COPG2: variants seen among roughly 807,000 people sequenced by gnomAD.
COPG2 encodes the protein coatomer subunit gamma-2.
Under a neutral mutation model 46.3 loss-of-function variants are expected in COPG2, and 37 were observed. The ratio of observed to expected loss-of-function variants is 0.80; its 90% CI spans 0.61 to 1.05. The LOEUF (loss-of-function observed/expected upper bound fraction) is 1.05. COPG2 is among the 50% of genes least tolerant of loss of function. The pLI is 0.00. For synonymous variants in COPG2, 159 were observed against 129.7 expected, an observed-to-expected ratio of 1.23 and a Z score of -1.53; for missense variants, 427 against 387.8, an observed-to-expected ratio of 1.10 and a Z score of -0.85.
At chr7:130,578,924 G>T (rs1210704215) in intron 9 of COPG2, among the ~76,000 whole-genome samples, 6 of 149,288 alleles carry the variant, frequency 4.0e-5, no homozygotes, top group Non-Finnish European at 8.9e-5. Context: ...AAAACACTCT[G>T]CAGGATATTA....
chr7:130,629,210 A>G (rs563596939), intron 5 of COPG2, among the ~76,000 whole-genome samples: 13 of 151,534 alleles, frequency 8.6e-5, no homozygotes, highest in Non-Finnish European at 1.5e-4. Flanking sequence ...AAAATTTTCT[A>G]TTTAAATTTT....
At chr7:130,586,313 G>C (rs548795757) in intron 9 of COPG2, among the ~76,000 whole-genome samples, 15 of 152,122 alleles carry the variant, frequency 9.9e-5, no homozygotes, top group East Asian at 9.6e-4. Flanking sequence ...TTGGGACTTG[G>C]GGGGAGAGTG....
rs976781615 is a variant in COPG2 at position 130,547,430 on chromosome 7, C to T, written c.2149+244G>A. 8.3e-3 allele frequency: 3,024 copies of T among 363,506 alleles called. 83 individuals carry two copies. The highest frequency in any genetic ancestry group is 0.058 in the African/African-American group (2,773 of 48,034). 22.5% of individuals were successfully genotyped at this position (363,506 alleles called of 1,614,324 possible). On this transcript the variant is annotated intron_variant, in intron 20 of 23. Coordinates refer to ENST00000425248, the MANE Select transcript of COPG2 (RefSeq NM_012133.6). ...TGCTACTGCTATACACACTCAGTTT[C>T]TCTTTTAAGATTAAGTGTTCAGCAA...
At chr7:130,551,126 T>C in intron 16 of COPG2, 115 bp downstream of exon 16, 1 of 393,640 alleles carries the variant, frequency 2.5e-6, no homozygotes, top group Non-Finnish European at 4.5e-6. Flanking sequence ...GGAAGTGCAC[T>C]CAAAGACAAA....
rs966895003 is a variant in COPG2 at position 130,530,415 on chromosome 7, G to A, written c.2149+17259C>T. 3.8e-3 allele frequency among the ~76,000 whole-genome samples: 573 copies of A among 152,298 alleles called. 2 individuals are homozygous for A. Among genetic ancestry groups the A allele is most frequent in the African/African-American group, 0.013 (548 of 41,564 alleles). On this transcript the variant is annotated intron_variant, in intron 20 of 23. Coordinates refer to ENST00000425248, the MANE Select transcript of COPG2 (RefSeq NM_012133.6). ...GGAGAAAAGGCTTGAGTGGAAGAAG[G>A]GAAGGAAAAGGCAGCCTAAGGGAAG...
chr7:130,528,612 T>C (rs951021078), intron 20 of COPG2, among the ~76,000 whole-genome samples: 6 of 150,998 alleles, frequency 4.0e-5, no homozygotes, highest in African/African-American at 1.2e-4. Context: ...TGCTATGCAG[T>C]AGAGGAGGAA....
rs782359718 is a variant in COPG2, at chr7:130,668,637, T to C, written c.32A>G (p.Glu11Gly). The change falls in exon 1 of 24, where the codon GAG (glutamate) becomes GGG (glycine). Residue 11 changes from glutamate to glycine, a missense_variant. Physicochemically the swap from Glu to Gly is moderately conservative, Grantham distance 98. Transcript: ENST00000425248. ...CTCGGAAGCCCCGCGCGTACCAGAC[T>C]CCTCGTCCTTCTTGTCGAATTTTTT... is the stretch of plus-strand genomic sequence containing the variant. MIKKFDKKDE[E>G]SGSGSNPFQH... The C allele has an allele frequency of 6.5e-6, 10 of 1,539,928 alleles. No individual in the cohort carries two copies. Among genetic ancestry groups the C allele is most frequent in the Admixed American group, 1.9e-5 (1 of 51,316 alleles).
chr7:130,510,182 C>T (rs1799573688), intron 20 of COPG2: 1 of 519,994 alleles, frequency 1.9e-6, no homozygotes, highest in African/African-American at 1.9e-5. Context: ...AAGAATGGGT[C>T]TGAATTCAGA....
At chr7:130,623,487 G>C (rs1795070343) in intron 5 of COPG2, among the ~76,000 whole-genome samples, 1 of 152,170 alleles carries the variant, frequency 6.6e-6, no homozygotes, top group Admixed American at 6.5e-5. Flanking sequence ...CTGACTAGTA[G>C]AGCTAGCTTC....
chr7:130,534,368 G>A (rs1799859028), intron 20 of COPG2, among the ~76,000 whole-genome samples: 1 of 152,228 alleles, frequency 6.6e-6, no homozygotes, highest in East Asian at 1.9e-4. Flanking sequence ...GGCAGAGGAG[G>A]GACTGCTAAG....
rs1249011915 is a variant in COPG2 at position 130,657,911 on chromosome 7, T to C, written c.244-4963A>G. ...CGACAATACAAAGTGCTGGCCAGAA[T>C]GCAGAGCAAACTGCTGCTCTCATAC... On this transcript the variant is annotated intron_variant, in intron 4 of 23. Coordinates refer to ENST00000425248, the MANE Select transcript of COPG2 (RefSeq NM_012133.6). Among the ~76,000 whole-genome samples, 3 of 152,160 alleles carry C rather than the reference T, an allele frequency of 2.0e-5. No individual in the cohort carries two copies. In the East Asian group the frequency reaches 5.8e-4, roughly 29 times the overall value.
chr7:130,562,014 A>G (rs1284981371), intron 11 of COPG2, among the ~76,000 whole-genome samples: 18 of 152,190 alleles, frequency 1.2e-4, no homozygotes, highest in African/African-American at 3.9e-4. Context: ...TCTGAGACAC[A>G]TCTGGCCCCA....
intron 5 of COPG2, among the ~76,000 whole-genome samples, chr7:130,619,322 T>C (rs558662812): frequency 2.5e-4 from 38 of 152,336 alleles, no homozygotes; most frequent in South Asian, 4.1e-4. Context: ...GGCTATCTTA[T>C]TGGACAATAC....
chr7:130,579,440 C>T (rs1342362437), intron 9 of COPG2, among the ~76,000 whole-genome samples: 3 of 150,578 alleles, frequency 2.0e-5, no homozygotes, highest in Non-Finnish European at 4.5e-5. Context: ...ACTGCATCAA[C>T]TAACAAGCAA....
chr7:130,599,427 C>T (rs782140952), intron 9 of COPG2, among the ~76,000 whole-genome samples: 4 of 152,164 alleles, frequency 2.6e-5, no homozygotes, highest in Admixed American at 6.5e-5. Flanking sequence ...CAAGAACACC[C>T]GCATTGGGTA....
chr7:130,532,063 C>T (rs904305719), intron 20 of COPG2, among the ~76,000 whole-genome samples: 3 of 152,204 alleles, frequency 2.0e-5, no homozygotes, highest in East Asian at 1.9e-4. Flanking sequence ...CTGGTGGACA[C>T]GGGAGGATGG....
chr7:130,538,165 C>T (rs1343262879), intron 20 of COPG2, among the ~76,000 whole-genome samples: 3 of 151,968 alleles, frequency 2.0e-5, no homozygotes, highest in Non-Finnish European at 4.4e-5. Flanking sequence ...ACAGGGCACG[C>T]AGGACTGGAT....
At chr7:130,544,421 AAAT>A (rs1472439598) in intron 20 of COPG2, among the ~76,000 whole-genome samples, 1 of 152,202 alleles carries the variant, frequency 6.6e-6, no homozygotes, top group African/African-American at 2.4e-5. Flanking sequence ...AAATCAGAGA[AAAT>A]AAACTCACAT....
chr7:130,650,353 C>CT, intron 5 of COPG2, among the ~76,000 whole-genome samples: 1 of 152,196 alleles, frequency 6.6e-6, no homozygotes, highest in Middle Eastern at 3.2e-3. Flanking sequence ...ACCACAACTA[C>CT]TAATCACTTA....
Sources: gnomAD v4.1 joint callset for allele counts (sites outside exome capture counted in the v4.1 genomes callset) on GRCh38, gnomAD v4.1.1 for gene constraint, MANE v1.5 for transcripts, NCBI Gene and HGNC (gene_info 2026-07-23, HGNC 2026-07-21) for gene names.